The following CACNA1C variants were observed in gnomAD, a reference collection of about 807,000 sequenced individuals.
CACNA1C encodes calcium voltage-gated channel subunit alpha1 C.
Under a neutral mutation model 229.0 loss-of-function variants are expected in CACNA1C, and 30 were observed. The ratio of observed to expected loss-of-function variants is 0.13; its 90% CI spans 0.10 to 0.18. The LOEUF is 0.18. Among genes scored for constraint, CACNA1C ranks in the 10% least tolerant of loss-of-function variants. The pLI, the probability that CACNA1C is intolerant of heterozygous loss-of-function variation, is 1.00. For missense variants in CACNA1C, 1,658 were observed against 2,845.0 expected (o/e 0.58, Z 9.49); for synonymous variants, 1,114 against 1,132.5 (o/e 0.98, Z 0.33).
intron 11 of CACNA1C, among the ~76,000 whole-genome samples, chr12:2,565,311 C>A (rs926722352): frequency 6.6e-6 from 1 of 151,444 alleles, no homozygotes; most frequent in Non-Finnish European, 1.5e-5. Context: ...ACTAAAAATA[C>A]AAAAAATTAG....
At position 2,019,571 on chromosome 12, in the gene CACNA1C, AAAAG is replaced by A. The variant is rs1053910277; in HGVS notation, c.139+48376_139+48379del. ...GAAAGAAGGAAGGAAGGAAGGAAAG[AAAAG>A]AAAGAGAGAGAGAAAGAAAGAGAAG... On this transcript the variant is annotated intron_variant, in intron 1 of 46. Transcript: ENST00000682462. 7.1e-5 allele frequency among the ~76,000 whole-genome samples: 9 copies of A among 126,472 alleles called. 1 individual carries two copies. In the South Asian group the frequency reaches 1.2e-3, roughly 17 times the overall value. 83.0% of individuals were successfully genotyped at this position (126,472 alleles called of 152,430 possible).
intron 9 of CACNA1C, among the ~76,000 whole-genome samples, chr12:2,515,041 G>A (rs1242819382): frequency 1.3e-5 from 2 of 152,222 alleles, no homozygotes; most frequent in African/African-American, 2.4e-5. Flanking sequence ...CTGGAGACTG[G>A]TTTCTCTCAC....
intron 3 of CACNA1C, among the ~76,000 whole-genome samples, chr12:2,266,032 G>T (rs2082271501): frequency 6.6e-6 from 1 of 152,214 alleles, no homozygotes; most frequent in South Asian, 2.1e-4. Flanking sequence ...TCATCGTTGG[G>T]CTCCGTGGAC....
At chr12:2,253,893 T>A (rs939450949) in intron 3 of CACNA1C, among the ~76,000 whole-genome samples, 3 of 152,188 alleles carry the variant, frequency 2.0e-5, no homozygotes, top group Admixed American at 2.0e-4. Context: ...GCCTGATTTA[T>A]GGGATCACTG....
Position 2,163,159 on chromosome 12 carries a change from C to T in CACNA1C, c.477+42729C>T, listed in dbSNP as rs369004591. ...GCTACCGTGAGCCGAGCCGAGATCA[C>T]GCCATTGCACTCTAGTCTGGGCAAC... On this transcript the variant is annotated intron_variant, in intron 3 of 46. Coordinates refer to ENST00000399655, the MANE Select transcript of CACNA1C (RefSeq NM_000719.7). Among the ~76,000 whole-genome samples, 15 of 148,404 alleles carry T rather than the reference C, an allele frequency of 1.0e-4. No individual in the cohort carries two copies. The East Asian group carries it at 1.4e-3, about 14-fold the overall frequency.
Position 2,691,970 on chromosome 12 carries a change from A to ATGTT in CACNA1C, c.*773_*776dup, listed in dbSNP as rs1569311257. 3 of 152,074 alleles carry ATGTT rather than the reference A, an allele frequency of 2.0e-5. No homozygotes were observed. The highest frequency in any genetic ancestry group is 7.2e-5 in the African/African-American group (3 of 41,402). The allele number at this position is 152,074 out of a possible 1,614,324, so 9.4% of individuals were successfully genotyped here. On this transcript the variant is annotated 3_prime_UTR_variant, in exon 47 of 47. Coordinates refer to ENST00000399655, the MANE Select transcript of CACNA1C (RefSeq NM_000719.7). The stretch of plus-strand genomic sequence containing the variant: ...TCTTTTCGGTTTTGGTTTTTTTTAA[A>ATGTT]TGTTTTATTTTGCTTTCCCAGCGGG...
At chr12:2,424,429 G>T (rs752035036) in intron 3 of CACNA1C, among the ~76,000 whole-genome samples, 11 of 151,878 alleles carry the variant, frequency 7.2e-5, no homozygotes, top group Non-Finnish European at 1.3e-4. Context: ...TGAGGACATG[G>T]TTATTTTCAC....
chr12:2,039,191 A>G (rs2049666591), intron 1 of CACNA1C, among the ~76,000 whole-genome samples: 2 of 152,214 alleles, frequency 1.3e-5, no homozygotes, highest in South Asian at 4.1e-4. Context: ...TTTTTGGCTA[A>G]GTAACTCACT....
At chr12:2,505,778 G>A (rs920832851) in intron 8 of CACNA1C, among the ~76,000 whole-genome samples, 1 of 152,152 alleles carries the variant, frequency 6.6e-6, no homozygotes, top group African/African-American at 2.4e-5. Flanking sequence ...CACCAGCCAT[G>A]CCAAGGCCTA....
intron 4 of CACNA1C, among the ~76,000 whole-genome samples, chr12:2,452,030 G>A (rs1161945832): frequency 1.3e-5 from 2 of 152,112 alleles, no homozygotes; most frequent in Admixed American, 1.3e-4. Context: ...AATATTAAAT[G>A]GGTAGCCCTT....
chr12:2,280,124 G>GTGCTTCGGT (rs2090560862), intron 3 of CACNA1C, among the ~76,000 whole-genome samples: 1 of 152,130 alleles, frequency 6.6e-6, no homozygotes, highest in African/African-American at 2.4e-5. Context: ...ATGCCTTGCT[G>GTGCTTCGGT]TGCTTCGGTT....
intron 1 of CACNA1C, among the ~76,000 whole-genome samples, chr12:2,104,045 G>T (rs2077327539): frequency 1.3e-5 from 2 of 152,182 alleles, no homozygotes; most frequent in Admixed American, 1.3e-4. Context: ...GCTTAGGATT[G>T]TCTTGGCTAT....
At position 2,652,388 on chromosome 12, in the gene CACNA1C, G is replaced by A. The variant is rs531626564; in HGVS notation, c.4074+620G>A. ...ACAATCAGCCCCTGCCAGCTCGGAGGAGTCTTTGTAGGTTTGAAGTTAAGG... is the reference window on the plus strand; with the variant it reads ...ACAATCAGCCCCTGCCAGCTCGGAGAAGTCTTTGTAGGTTTGAAGTTAAGG... On this transcript the variant is annotated intron_variant, in intron 32 of 46. Transcript: ENST00000399655. Among the ~76,000 whole-genome samples the A allele has an allele frequency of 4.6e-5, 7 of 152,322 alleles. No homozygotes were observed. The South Asian group carries it at 1.0e-3, about 23-fold the overall frequency.
At chr12:2,069,577 T>C (rs2060484436) in intron 1 of CACNA1C, among the ~76,000 whole-genome samples, 1 of 152,244 alleles carries the variant, frequency 6.6e-6, no homozygotes, top group African/African-American at 2.4e-5. Flanking sequence ...TTAGATGTAT[T>C]GTTATCTGTC....
At chr12:2,396,872 G>A (rs59241311) in intron 3 of CACNA1C, among the ~76,000 whole-genome samples, 13,774 of 152,334 alleles carry the variant, frequency 0.09, 707 homozygotes, top group Middle Eastern at 0.13. Flanking sequence ...CAGGAATCTG[G>A]TCACTTGGAG....
chr12:2,004,818 A>C, intron 1 of CACNA1C: 1 of 196,038 alleles, frequency 5.1e-6, no homozygotes, highest in African/African-American at 2.3e-5. Context: ...ATCACAATAA[A>C]TAAGCCTCGA....
rs748794191 is a variant in CACNA1C, at chr12:2,580,498, AG to A, written c.1896-1091del. On this transcript the variant is annotated intron_variant, in intron 13 of 46. Coordinates refer to ENST00000399655, the MANE Select transcript of CACNA1C (RefSeq NM_000719.7). ...GAGTGACCTAGGAGGCAGGTGGGCC[AG>A]AGGGGGCCAGAGGGAAATGAGATTG... Among the ~76,000 whole-genome samples, 131 of 152,328 alleles carry A rather than the reference AG, an allele frequency of 8.6e-4. 1 individual carries two copies. Among genetic ancestry groups the A allele is most frequent in the Admixed American group, 4.1e-3 (63 of 15,300 alleles).
intron 4 of CACNA1C, 136 bp from the exon 5 acceptor site, chr12:2,457,431 C>A: frequency 2.4e-6 from 2 of 826,424 alleles, no homozygotes; most frequent in Non-Finnish European, 3.7e-6. Flanking sequence ...AGACTCCACG[C>A]ACACCCACAA....
chr12:2,556,827 A>G (rs187301351), intron 10 of CACNA1C, 124 bp from the exon 11 acceptor site: 6 of 784,016 alleles, frequency 7.7e-6, no homozygotes, highest in Admixed American at 3.8e-5. Context: ...AGTTCACACC[A>G]TGCCTCCTTC....
Sources: gnomAD v4.1 joint callset for allele counts (sites outside exome capture counted in the v4.1 genomes callset) on GRCh38, gnomAD v4.1.1 for gene constraint, MANE v1.5 for transcripts, NCBI Gene and HGNC (gene_info 2026-07-23, HGNC 2026-07-21) for gene names.